The following TMEFF2 variants were observed in gnomAD, a reference collection of about 807,000 sequenced individuals.
TMEFF2 encodes the protein tomoregulin-2.
TMEFF2 carries 28 observed loss-of-function variants against 53.8 expected under a neutral mutation model. The observed-to-expected ratio is 0.52, with a 90% CI of 0.39 to 0.71. The LOEUF (loss-of-function observed/expected upper bound fraction) is 0.71. Ranked by LOEUF, TMEFF2 falls within the 30% of genes least tolerant of loss-of-function variation. The pLI, the probability that TMEFF2 is intolerant of heterozygous loss-of-function variation, is 0.00. For missense variants in TMEFF2, 353 were observed against 455.2 expected (o/e 0.78, Z 2.04); for synonymous variants, 162 against 166.3 (o/e 0.97, Z 0.20).
chr2:192,132,063 T>C (rs1251633386), intron 4 of TMEFF2, among the ~76,000 whole-genome samples: 1 of 152,066 alleles, frequency 6.6e-6, no homozygotes, highest in African/African-American at 2.4e-5. Flanking sequence ...CACTGAGTCT[T>C]TCTAATCTTC....
At chr2:192,004,003 C>G (rs779892923) in intron 5 of TMEFF2, among the ~76,000 whole-genome samples, 5 of 151,640 alleles carry the variant, frequency 3.3e-5, no homozygotes, top group Non-Finnish European at 5.9e-5. Context: ...GTTTATACCT[C>G]TACTTTTCTG....
chr2:191,994,902 A>G (rs1014560176), intron 7 of TMEFF2, among the ~76,000 whole-genome samples: 1 of 151,982 alleles, frequency 6.6e-6, no homozygotes, highest in Non-Finnish European at 1.5e-5. Context: ...AAGCTCTGTA[A>G]TGCCTTGGGT....
At chr2:192,046,708 C>G (rs954045166) in intron 5 of TMEFF2, among the ~76,000 whole-genome samples, 1 of 152,138 alleles carries the variant, frequency 6.6e-6, no homozygotes, top group African/African-American at 2.4e-5. Context: ...GTCTGACCAC[C>G]CAGTGTAGCT....
At chr2:192,069,721 C>T (rs1688242658) in intron 4 of TMEFF2, among the ~76,000 whole-genome samples, 1 of 151,510 alleles carries the variant, frequency 6.6e-6, no homozygotes, top group Non-Finnish European at 1.5e-5. Context: ...AATTTTACTG[C>T]CATTAGATCA....
At chr2:192,089,218 A>G (rs1688734078) in intron 4 of TMEFF2, among the ~76,000 whole-genome samples, 1 of 151,764 alleles carries the variant, frequency 6.6e-6, no homozygotes, top group Non-Finnish European at 1.5e-5. Flanking sequence ...TTTTCCCTTT[A>G]TTTTTAAATC....
At chr2:192,126,796 C>T (rs1411772280) in intron 4 of TMEFF2, among the ~76,000 whole-genome samples, 1 of 152,094 alleles carries the variant, frequency 6.6e-6, no homozygotes, top group East Asian at 1.9e-4. Flanking sequence ...CAAAACCTGT[C>T]CTTCTTCACT....
chr2:192,047,396 T>C (rs931346876), intron 5 of TMEFF2, among the ~76,000 whole-genome samples: 1 of 152,220 alleles, frequency 6.6e-6, no homozygotes, highest in African/African-American at 2.4e-5. Flanking sequence ...AACCTACCAT[T>C]ACTTTTATTA....
At chr2:192,011,392 C>T (rs532662998) in intron 5 of TMEFF2, among the ~76,000 whole-genome samples, 6 of 152,250 alleles carry the variant, frequency 3.9e-5, no homozygotes, top group African/African-American at 9.6e-5. Context: ...GCTAAATTCA[C>T]GTAGCAAAGG....
intron 5 of TMEFF2, among the ~76,000 whole-genome samples, chr2:192,003,922 T>C (rs976508735): frequency 2.8e-5 from 3 of 107,042 alleles, no homozygotes; most frequent in Non-Finnish European, 6.0e-5. Flanking sequence ...AATTTGTGTG[T>C]GTGTGTGGGG....
intron 5 of TMEFF2, among the ~76,000 whole-genome samples, chr2:192,004,085 T>A (rs189426763): frequency 6.6e-6 from 1 of 152,318 alleles, no homozygotes; most frequent in African/African-American, 2.4e-5. Flanking sequence ...ATTACAAACA[T>A]CTTCAATAAA....
chr2:192,089,965 T>C (rs1421911981), intron 4 of TMEFF2, among the ~76,000 whole-genome samples: 1 of 152,074 alleles, frequency 6.6e-6, no homozygotes, highest in African/African-American at 2.4e-5. Context: ...ACTTCTCTTC[T>C]CTTTTCTTGA....
At chr2:192,080,407 T>G (rs1471419323) in intron 4 of TMEFF2, among the ~76,000 whole-genome samples, 2 of 152,214 alleles carry the variant, frequency 1.3e-5, no homozygotes, top group East Asian at 3.9e-4. Flanking sequence ...TGCTGTCTTG[T>G]GAAGAAGGTG....
At chr2:192,004,785 A>C (rs753446284) in intron 5 of TMEFF2, among the ~76,000 whole-genome samples, 1 of 152,178 alleles carries the variant, frequency 6.6e-6, no homozygotes, top group Non-Finnish European at 1.5e-5. Flanking sequence ...GAAAACAGAA[A>C]CTATCCCTTC....
At chr2:192,166,237 T>C (rs1322725348) in intron 4 of TMEFF2, among the ~76,000 whole-genome samples, 1 of 152,198 alleles carries the variant, frequency 6.6e-6, no homozygotes, top group Non-Finnish European at 1.5e-5. Flanking sequence ...CCTTGTCTTG[T>C]TCTTCTACCT....
intron 1 of TMEFF2, among the ~76,000 whole-genome samples, chr2:192,193,804 A>AGGGAGAGG (rs1333652661): frequency 6.8e-5 from 10 of 147,644 alleles, no homozygotes; most frequent in African/African-American, 2.5e-4. Context: ...AGAGAGAGAG[A>AGGGAGAGG]GAGAAATTCT....
At chr2:192,056,656 G>A (rs1275168674) in intron 5 of TMEFF2, among the ~76,000 whole-genome samples, 1 of 152,150 alleles carries the variant, frequency 6.6e-6, no homozygotes, top group Non-Finnish European at 1.5e-5. Context: ...AGTCAGATTA[G>A]CAACTGGTAT....
In TMEFF2 at chr2:191,950,356, G is replaced by A; in HGVS notation, c.1080C>T (p.His360=). 2.5e-6 allele frequency: 4 copies of A among 1,613,850 alleles called. No homozygotes were observed. The highest frequency in any genetic ancestry group is 2.5e-6 in the Non-Finnish European group (3 of 1,179,892). The change falls in exon 10 of 10, where the codon CAC becomes CAT. Residue 360 remains histidine, a synonymous_variant. Transcript: ENST00000272771. ...RIHRQKQNTG[H]YSSDNTTRAS... ...CTCTTGTTGTATTGTCTGAACTGTA[G>A]TGCCCTGTATTTTGCTTCTGTCTGT...
chr2:192,103,183 ACT>A (rs1269477299), intron 4 of TMEFF2, among the ~76,000 whole-genome samples: 2 of 151,598 alleles, frequency 1.3e-5, no homozygotes, highest in Non-Finnish European at 2.9e-5. Context: ...TTTTTCTAAA[ACT>A]CTGTTTTCTG....
At chr2:192,186,606 T>C (rs1559163295) in intron 2 of TMEFF2, among the ~76,000 whole-genome samples, 6 of 152,252 alleles carry the variant, frequency 3.9e-5, no homozygotes, top group Non-Finnish European at 7.4e-5. Flanking sequence ...ATCCTTTCAG[T>C]AGACAGAAGA....
Sources: gnomAD v4.1 joint callset for allele counts (sites outside exome capture counted in the v4.1 genomes callset) on GRCh38, gnomAD v4.1.1 for gene constraint, MANE v1.5 for transcripts, NCBI Gene and HGNC (gene_info 2026-07-23, HGNC 2026-07-21) for gene names.